The following CROCC2 variants were observed in gnomAD, a reference collection of about 807,000 sequenced individuals.
CROCC2 encodes ciliary rootlet coiled-coil, rootletin family member 2.
Under a neutral mutation model 177.6 loss-of-function variants are expected in CROCC2, and 163 were observed. That is an observed-to-expected ratio of 0.92 (90% CI 0.81 to 1.05). The LOEUF (loss-of-function observed/expected upper bound fraction) is 1.05. Among genes scored for constraint, CROCC2 ranks in the 50% least tolerant of loss-of-function variants. CROCC2 has a pLI of 0.00. For missense variants in CROCC2, 1,929 were observed against 1,797.8 expected (o/e 1.07, Z -1.32); for synonymous variants, 904 against 787.3 (o/e 1.15, Z -2.48).
chr2:240,930,829 G>A, intron 6 of CROCC2, 102 bp from the exon 7 acceptor site: 1 of 602,854 alleles, frequency 1.7e-6, no homozygotes. Context: ...GGCTTCTCCT[G>A]ACGATGGCCA....
At chr2:240,940,668 A>C (rs985585596) in intron 14 of CROCC2, among the ~76,000 whole-genome samples, 7 of 152,246 alleles carry the variant, frequency 4.6e-5, no homozygotes, top group African/African-American at 1.7e-4. Context: ...TAAAACCCTC[A>C]GGAAAGTCGG....
In CROCC2 at chr2:240,917,019, A is replaced by T. The variant is rs531343180; in HGVS notation, c.79-1707A>T. Among the ~76,000 whole-genome samples the T allele has an allele frequency of 6.6e-6, 1 of 152,112 alleles. No individual in the cohort carries two copies. The highest frequency in any genetic ancestry group is 2.4e-5 in the African/African-American group (1 of 41,512). ...GCAGGGACTTCCCTCCCCCTCCCCC[A>T]CTGGGCTGCTGCTCCCAAGGGGGGC... On this transcript the variant is annotated intron_variant, in intron 1 of 31. Transcript: ENST00000690015. The surrounding 1 kb of genome is among the most constrained non-coding windows in gnomAD (Gnocchi z 4.9).
chr2:240,967,470 C>T lies in CROCC2; in HGVS notation c.4267+5C>T, dbSNP rs1465681858. The T allele has an allele frequency of 1.3e-6, 2 of 1,525,212 alleles. No individual in the cohort carries two copies. The highest frequency in any genetic ancestry group is 1.4e-5 in the African/African-American group (1 of 72,574). 94.5% of individuals were successfully genotyped at this position (1,525,212 alleles called of 1,614,324 possible). ...CCCTGGCTGAGGCGGAAGAAGGTGA[C>T]CTCCCTTGCCCTGCCCCGCCCACCC... On this transcript the variant is annotated splice_donor_5th_base_variant and intron_variant, in intron 26 of 31. Transcript: ENST00000690015.
In CROCC2 at chr2:240,993,201, C is replaced by T; in HGVS notation, c.*120C>T. On this transcript the variant is annotated 3_prime_UTR_variant, in exon 32 of 32. Coordinates refer to ENST00000690015, the MANE Select transcript of CROCC2 (RefSeq NM_001351305.2). The stretch of plus-strand genomic sequence containing the variant: ...GAAAGGCACCCGTGATGAGACAGCT[C>T]GCTCTCGGCAGTTTCAGGACCCTCC... 1 of 653,350 alleles carries T rather than the reference C, an allele frequency of 1.5e-6. No individual in the cohort carries two copies. The highest frequency in any genetic ancestry group is 1.7e-5 in the South Asian group (1 of 59,588). The allele number at this position is 653,350 out of a possible 1,614,324, so 40.5% of individuals were successfully genotyped here. A position where few individuals can be genotyped will look rare whatever the true frequency, so the allele number is the denominator to read the frequency against.
intron 14 of CROCC2, among the ~76,000 whole-genome samples, chr2:240,937,314 G>A (rs377041865): frequency 5.3e-5 from 8 of 152,172 alleles, no homozygotes; most frequent in African/African-American, 9.6e-5. Context: ...TTGGATATTC[G>A]TATGCTTTAT....
chr2:240,975,763 C>T (rs1437942009), intron 27 of CROCC2, among the ~76,000 whole-genome samples: 2 of 121,158 alleles, frequency 1.7e-5, no homozygotes, highest in Non-Finnish European at 3.2e-5. Flanking sequence ...GAGTTTTGCT[C>T]TCGTTGCCCA....
intron 27 of CROCC2, among the ~76,000 whole-genome samples, chr2:240,977,959 G>C (rs2059776121): frequency 9.1e-5 from 2 of 21,988 alleles, no homozygotes; most frequent in African/African-American, 2.4e-4. Context: ...AGTCTCTGGG[G>C]TAGGAGCCTC....
intron 5 of CROCC2, among the ~76,000 whole-genome samples, chr2:240,927,520 G>C (rs1223530881): frequency 6.6e-6 from 1 of 152,100 alleles, no homozygotes; most frequent in Non-Finnish European, 1.5e-5. Flanking sequence ...CAGTCCATCA[G>C]TTTTCTCTTC....
intron 7 of CROCC2, among the ~76,000 whole-genome samples, chr2:240,931,366 G>A (rs950540797): frequency 6.6e-6 from 1 of 152,228 alleles, no homozygotes; most frequent in Non-Finnish European, 1.5e-5. Context: ...CAGGGAGCAC[G>A]GCAGGGAACT....
At position 240,950,477 on chromosome 2, in the gene CROCC2, G is replaced by A; in HGVS notation, c.2796G>A (p.Glu932=). Residue 932 remains glutamate, a synonymous_variant, in exon 18 of 32, where the codon GAG becomes GAA. Coordinates refer to ENST00000690015, the MANE Select transcript of CROCC2 (RefSeq NM_001351305.2). Reference sequence around the variant, plus strand: ...AGAGCCTGAAGCAGGAGCGGGACGAGAGCCTTCTCCAACTGGAGCACAAGA... The same window carrying A: ...AGAGCCTGAAGCAGGAGCGGGACGAAAGCCTTCTCCAACTGGAGCACAAGA... ...EIQSLKQERD[E]SLLQLEHKMQ... The A allele has an allele frequency of 6.5e-7, 1 of 1,550,162 alleles. No individual in the cohort carries two copies. Among genetic ancestry groups the A allele is most frequent in the Non-Finnish European group, 8.7e-7 (1 of 1,146,758 alleles).
chr2:240,938,992 C>T (rs962984249), intron 14 of CROCC2, among the ~76,000 whole-genome samples: 1 of 151,940 alleles, frequency 6.6e-6, no homozygotes, highest in African/African-American at 2.4e-5. Context: ...ATCTGAATAT[C>T]TTTTATTTCT....
chr2:240,962,336 G>C (rs1408280736), intron 20 of CROCC2, among the ~76,000 whole-genome samples: 6 of 152,150 alleles, frequency 3.9e-5, no homozygotes, highest in Admixed American at 6.5e-5. Flanking sequence ...CCCTGCATTT[G>C]TTTTGCTTGT....
rs1460848527 is a variant in CROCC2 at position 240,973,896 on chromosome 2, C to G, written c.4401+5634C>G. On this transcript the variant is annotated intron_variant, in intron 27 of 31. Coordinates refer to ENST00000690015, the MANE Select transcript of CROCC2 (RefSeq NM_001351305.2). The surrounding 1 kb of genome is among the most constrained non-coding windows in gnomAD (Gnocchi z 4.7). ...TCAAAATAACTTTTCTTGAGAGGTTCATTGAACTCCCCTGTACATATTCCG... is the reference window on the plus strand; with the variant it reads ...TCAAAATAACTTTTCTTGAGAGGTTGATTGAACTCCCCTGTACATATTCCG... Among the ~76,000 whole-genome samples the G allele has an allele frequency of 3.9e-5, 6 of 152,206 alleles. No individual in the cohort carries two copies. The highest frequency in any genetic ancestry group is 1.4e-4 in the African/African-American group (6 of 41,434).
rs963232926 is a variant in CROCC2 at position 240,983,025 on chromosome 2, G to A, written c.4547G>A (p.Arg1516Gln). The A allele has an allele frequency of 5.2e-6, 8 of 1,549,950 alleles. 1 individual carries two copies. In the African/African-American group the frequency reaches 5.5e-5, roughly 11 times the overall value. ...QKAEVSLEPL[R>Q]QMEQETLKRE... ...GCTGAGGTATCGCTGGAGCCCCTGCGACAGGTGAGGGTGACCAGGAGGGCA... is the reference window on the plus strand; with the variant it reads ...GCTGAGGTATCGCTGGAGCCCCTGCAACAGGTGAGGGTGACCAGGAGGGCA... Residue 1516 changes from arginine to glutamine, a missense_variant, in exon 28 of 32, where the codon CGA becomes CAA. Physicochemically the swap from Arg to Gln is conservative, Grantham distance 43. Around this residue, in one of 3 missense-constraint regions of CROCC2, gnomAD observed 388 missense variants for 352.7 expected, o/e 1.10. Transcript: ENST00000690015.
At chr2:240,968,314 T>C (rs1035347263) in intron 27 of CROCC2, 52 bp downstream of exon 27, 24 of 1,486,714 alleles carry the variant, frequency 1.6e-5, no homozygotes, top group Non-Finnish European at 2.0e-5. Flanking sequence ...ACAAGGCCTC[T>C]CGGTCACCCT....
chr2:240,931,008 A>C lies in CROCC2; in HGVS notation c.827A>C (p.Asn276Thr), dbSNP rs776249569. The C allele has an allele frequency of 7.8e-5, 56 of 716,192 alleles. No homozygotes were observed. Among genetic ancestry groups the C allele is most frequent in the Middle Eastern group, 2.3e-4 (1 of 4,392 alleles). The allele number at this position is 716,192 out of a possible 1,614,324, so 44.4% of individuals were successfully genotyped here. ...LHTACLNLDS[N>T]LRLSASSTAS... ...ACCGCCTGCCTGAACCTCGACTCCA[A>C]CCTGCGGCTGTCGGCCAGCAGCACG... Residue 276 changes from asparagine (N) to threonine (T), a missense_variant, in exon 7 of 32, where the codon AAC becomes ACC. Coordinates refer to ENST00000690015, the MANE Select transcript of CROCC2 (RefSeq NM_001351305.2).
At chr2:240,956,871 G>A (rs1476870533) in intron 19 of CROCC2, among the ~76,000 whole-genome samples, 1 of 152,132 alleles carries the variant, frequency 6.6e-6, no homozygotes, top group African/African-American at 2.4e-5. Flanking sequence ...TCACAGCGAG[G>A]GTGGCCAGAG....
Position 240,991,376 on chromosome 2 carries a change from G to T in CROCC2, c.4946+98G>T. 4.7e-6 allele frequency: 5 copies of T among 1,074,000 alleles called. No homozygotes were observed. In the South Asian group the frequency reaches 9.0e-5, roughly 19 times the overall value. The allele number at this position is 1,074,000 out of a possible 1,614,324, so 66.5% of individuals were successfully genotyped here. ...GGGAAGGTGCTGGAGGCCCTAGGCTGCTGGGGGAACCACTGTTGGGAAAAC... is the reference window on the plus strand; with the variant it reads ...GGGAAGGTGCTGGAGGCCCTAGGCTTCTGGGGGAACCACTGTTGGGAAAAC... On this transcript the variant is annotated intron_variant, in intron 31 of 31. Coordinates refer to ENST00000690015, the MANE Select transcript of CROCC2 (RefSeq NM_001351305.2).
chr2:240,942,551 A>G (rs2059500842), intron 14 of CROCC2, among the ~76,000 whole-genome samples: 1 of 152,002 alleles, frequency 6.6e-6, no homozygotes, highest in African/African-American at 2.4e-5. Flanking sequence ...TGAATGACAG[A>G]CTTTGTGTTT....
Sources: gnomAD v4.1 joint callset for allele counts (sites outside exome capture counted in the v4.1 genomes callset) on GRCh38, gnomAD v4.1.1 for gene constraint, gnomAD v4.1.1 regional missense constraint, Gnocchi (gnomAD v3.1) non-coding constraint, MANE v1.5 for transcripts, NCBI Gene and HGNC (gene_info 2026-07-23, HGNC 2026-07-21) for gene names.